Variants in MTERF3 observed in about 807,000 individuals in gnomAD.
MTERF3 encodes the protein mitochondrial transcription termination factor 3, also known as transcription termination factor 3, mitochondrial.
A neutral mutation model predicts 40.5 loss-of-function variants in MTERF3; 40 were observed. The ratio of observed to expected loss-of-function variants is 0.99; its 90% CI spans 0.77 to 1.29. MTERF3 has a LOEUF of 1.29. MTERF3 is among the 50% of genes most tolerant of loss of function. MTERF3 has a pLI of 0.00. For missense variants in MTERF3, 452 were observed against 478.2 expected, an observed-to-expected ratio of 0.95 and a Z score of 0.51; for synonymous variants, 158 against 166.6, an observed-to-expected ratio of 0.95 and a Z score of 0.40.
rs755521604 is a variant in MTERF3 at position 96,250,980 on chromosome 8, C to G, written c.603G>C (p.Glu201Asp). Residue 201 changes from glutamate to aspartate, a missense_variant, in exon 4 of 8, where the codon GAG (glutamate) becomes GAC (aspartate). By Grantham distance (45) the Glu-to-Asp change is conservative (BLOSUM62 2). Coordinates refer to ENST00000287025, the MANE Select transcript of MTERF3 (RefSeq NM_015942.5). ...TCAGGAATGCTCCCAGTTGGTTATC[C>G]TCTATACCCACATCTTTAAGAAACA... is the stretch of plus-strand genomic sequence containing the variant. ...MLLFLKDVGIEDNQLGAFLTK... is the reference protein window; with the variant it reads ...MLLFLKDVGIDDNQLGAFLTK... The G allele has an allele frequency of 1.2e-6, 2 of 1,607,446 alleles. No homozygotes were observed. The highest frequency in any genetic ancestry group is 3.4e-5 in the Admixed American group (2 of 58,114).
At chr8:96,249,411 A>T (rs1389774423) in intron 4 of MTERF3, among the ~76,000 whole-genome samples, 2 of 152,206 alleles carry the variant, frequency 1.3e-5, no homozygotes, top group African/African-American at 4.8e-5. Context: ...AGCCAAGAAG[A>T]CTAGAGCTGG....
At position 96,250,696 on chromosome 8, in the gene MTERF3, G is replaced by GA. The variant is rs1554580097; in HGVS notation, c.677+209_677+210insT. Among the ~76,000 whole-genome samples the GA allele has an allele frequency of 4.8e-4, 12 of 25,076 alleles. 1 individual carries two copies. Among genetic ancestry groups the GA allele is most frequent in the African/African-American group, 9.9e-4 (6 of 6,078 alleles). 16.5% of individuals were successfully genotyped at this position (25,076 alleles called of 152,430 possible). A position where few individuals can be genotyped will look rare whatever the true frequency, so the allele number is the denominator to read the frequency against. Reference sequence around the variant, plus strand: ...GAAGAAGAAGAAGGAGGAGGAGGAGGGGGGGAGGGGGAGGGGGAGAAGAAG... The same window carrying GA: ...GAAGAAGAAGAAGGAGGAGGAGGAGGAGGGGGAGGGGGAGGGGGAGAAGAAG... On this transcript the variant is annotated intron_variant, in intron 4 of 7. Transcript: ENST00000287025.
chr8:96,239,921 G>T (rs1156816690), intron 7 of MTERF3: 1 of 668,644 alleles, frequency 1.5e-6, no homozygotes, highest in Non-Finnish European at 2.7e-6. Flanking sequence ...TATACTGTGT[G>T]CAAAGAAGAT....
rs1043075558 is a variant in MTERF3, at chr8:96,250,562, T to G, written c.677+344A>C. 3.6e-5 allele frequency among the ~76,000 whole-genome samples: 5 copies of G among 140,236 alleles called. 1 individual carries two copies. The East Asian group carries it at 6.4e-4, about 18-fold the overall frequency. 92.0% of individuals were successfully genotyped at this position (140,236 alleles called of 152,430 possible). A position where few individuals can be genotyped will look rare whatever the true frequency, so the allele number is the denominator to read the frequency against. ...CCCATCTCTCCTAAAAATACAAAAA[T>G]TAGCCAGGCATGGTGGCCACCTGTA... is the stretch of plus-strand genomic sequence containing the variant. On this transcript the variant is annotated intron_variant, in intron 4 of 7. Coordinates refer to ENST00000287025, the MANE Select transcript of MTERF3 (RefSeq NM_015942.5).
intron 6 of MTERF3, among the ~76,000 whole-genome samples, chr8:96,245,295 A>G (rs1212139262): frequency 6.6e-6 from 1 of 152,206 alleles, no homozygotes; most frequent in East Asian, 1.9e-4. Flanking sequence ...TTTATATACT[A>G]ACTAGTCAGC....
chr8:96,255,071 T>C (rs1018988542), intron 3 of MTERF3, among the ~76,000 whole-genome samples: 6 of 152,124 alleles, frequency 3.9e-5, no homozygotes, highest in African/African-American at 1.2e-4. Flanking sequence ...TTTGATGCCA[T>C]GGGAAGGTTT....
intron 7 of MTERF3, among the ~76,000 whole-genome samples, chr8:96,240,122 C>G (rs941635970): frequency 6.6e-6 from 1 of 152,120 alleles, no homozygotes; most frequent in Non-Finnish European, 1.5e-5. Flanking sequence ...GTGGCGCATG[C>G]CTGTAATCCC....
In MTERF3 at chr8:96,239,749, T is replaced by C. The variant is rs1353546440; in HGVS notation, c.1060-64A>G. 3 of 1,321,052 alleles carry C rather than the reference T, an allele frequency of 2.3e-6. No homozygotes were observed. The African/African-American group carries it at 4.4e-5, about 20-fold the overall frequency. The allele number at this position is 1,321,052 out of a possible 1,614,324, so 81.8% of individuals were successfully genotyped here. On this transcript the variant is annotated intron_variant, in intron 7 of 7. Transcript: ENST00000287025. ...CGGGAGGATGAAATATTAAAAAGTT[T>C]ACTTGGCAAAAATTTTAATAGGTTA...
At position 96,239,583 on chromosome 8, in the gene MTERF3, C is replaced by T. The variant is rs761504659; in HGVS notation, c.1162G>A (p.Asp388Asn). ...TCATCAGGAATAGATACTAGTTTGTCCAAAGAGATGTAGTTAGGTTTTGCT... is the reference window on the plus strand; with the variant it reads ...TCATCAGGAATAGATACTAGTTTGTTCAAAGAGATGTAGTTAGGTTTTGCT... ...DPAKPNYISLDKLVSIPDEIF... is the reference protein window; with the variant it reads ...DPAKPNYISLNKLVSIPDEIF... Residue 388 changes from aspartate (D) to asparagine (N), a missense_variant, in exon 8 of 8, where the codon GAC becomes AAC. Transcript: ENST00000287025. The T allele has an allele frequency of 5.6e-6, 9 of 1,613,258 alleles. No individual in the cohort carries two copies. In the South Asian group the frequency reaches 9.9e-5, roughly 18 times the overall value.
intron 6 of MTERF3, among the ~76,000 whole-genome samples, chr8:96,244,604 T>C (rs1809990360): frequency 6.6e-6 from 1 of 152,128 alleles, no homozygotes; most frequent in South Asian, 2.1e-4. Context: ...TTTCACCATG[T>C]TGGCCAGGCT....
intron 3 of MTERF3, among the ~76,000 whole-genome samples, chr8:96,255,134 T>A (rs1810256284): frequency 6.6e-6 from 1 of 152,122 alleles, no homozygotes; most frequent in South Asian, 2.1e-4. Flanking sequence ...GAAAGAGCAC[T>A]AACACTGGAA....
chr8:96,242,103 G>T (rs1207238375), intron 7 of MTERF3, among the ~76,000 whole-genome samples: 1 of 152,124 alleles, frequency 6.6e-6, no homozygotes, highest in Admixed American at 6.5e-5. Context: ...ATGCCACTGA[G>T]ATTTAAACAC....
intron 3 of MTERF3, among the ~76,000 whole-genome samples, chr8:96,255,330 G>A (rs913086216): frequency 6.6e-6 from 1 of 151,938 alleles, no homozygotes; most frequent in Non-Finnish European, 1.5e-5. Context: ...AAGAGGAAGG[G>A]GACAAAAGCA....
intron 3 of MTERF3, among the ~76,000 whole-genome samples, chr8:96,255,533 G>A (rs535968038): frequency 5.3e-5 from 8 of 151,818 alleles, no homozygotes; most frequent in Non-Finnish European, 1.0e-4. Flanking sequence ...CAGCTACCAG[G>A]GAGGCTGAGG....
intron 7 of MTERF3, among the ~76,000 whole-genome samples, chr8:96,241,643 G>T (rs1172976305): frequency 1.3e-5 from 2 of 152,188 alleles, no homozygotes; most frequent in Non-Finnish European, 2.9e-5. Flanking sequence ...TGCTCAGATT[G>T]CGGTGTTTCT....
At chr8:96,249,658 G>T (rs1810087555) in intron 4 of MTERF3, among the ~76,000 whole-genome samples, 1 of 152,292 alleles carries the variant, frequency 6.6e-6, no homozygotes, top group East Asian at 1.9e-4. Flanking sequence ...CTGAAATGTA[G>T]TAAGGATCAA....
rs1006314277 is a variant in MTERF3 at position 96,259,910 on chromosome 8, ATTATTT to A, written c.-10-1216_-10-1211del. The stretch of plus-strand genomic sequence containing the variant: ...GCAATTATTTATTATTATTATTATT[ATTATTT>A]TTTTTGAGACGGAGTTTCGCCCTTG... On this transcript the variant is annotated intron_variant, in intron 1 of 7. Transcript: ENST00000287025. Among the ~76,000 whole-genome samples the A allele has an allele frequency of 9.4e-5, 14 of 149,456 alleles. No homozygotes were observed. The South Asian group carries it at 1.5e-3, about 16-fold the overall frequency.
intron 3 of MTERF3, among the ~76,000 whole-genome samples, chr8:96,252,822 C>G (rs1277827121): frequency 1.3e-5 from 2 of 152,176 alleles, no homozygotes; most frequent in Non-Finnish European, 2.9e-5. Flanking sequence ...GCTGTCACAC[C>G]CTGACTGTGC....
rs151182846 is a variant in MTERF3, at chr8:96,249,314, C to G, written c.677+1592G>C. 5.8e-4 allele frequency among the ~76,000 whole-genome samples: 89 copies of G among 152,316 alleles called. 1 individual carries two copies. The East Asian group carries it at 0.017, about 29-fold the overall frequency. ...TGCAGCGTGTGAAATGATCCCTACC[C>G]TCCTGGTATTCATGCTTTCTTGGAA... On this transcript the variant is annotated intron_variant, in intron 4 of 7. Transcript: ENST00000287025.
Sources: gnomAD v4.1 joint callset for allele counts (sites outside exome capture counted in the v4.1 genomes callset) on GRCh38, gnomAD v4.1.1 for gene constraint, MANE v1.5 for transcripts, NCBI Gene and HGNC (gene_info 2026-07-23, HGNC 2026-07-21) for gene names.